The following KIF21B variants were observed in gnomAD, a reference collection of about 807,000 sequenced individuals.
KIF21B encodes kinesin family member 21B, also known as kinesin-like protein KIF21B.
KIF21B carries 85 observed loss-of-function variants against 192.9 expected under a neutral mutation model. The ratio of observed to expected loss-of-function variants is 0.44; its 90% confidence interval spans 0.37 to 0.53. KIF21B has a LOEUF of 0.53. KIF21B is among the 20% of genes least tolerant of loss of function. The pLI is 0.00. For missense variants in KIF21B, 1,716 were observed against 2,194.8 expected, an observed-to-expected ratio of 0.78 and a Z score of 4.36; for synonymous variants, 832 against 884.6, an observed-to-expected ratio of 0.94 and a Z score of 1.05.
chr1:201,015,919 A>T (rs1012162584), intron 1 of KIF21B, among the ~76,000 whole-genome samples: 1 of 152,166 alleles, frequency 6.6e-6, no homozygotes, highest in South Asian at 2.1e-4. Flanking sequence ...TTCGTCATTG[A>T]TATCCCTCTT....
intron 8 of KIF21B, chr1:201,003,337 T>C: frequency 1.8e-6 from 1 of 561,890 alleles, no homozygotes. Flanking sequence ...GGGGAGCCCT[T>C]CTTTCTTGGA....
At chr1:200,995,542 G>T (rs1394808449) in intron 15 of KIF21B, among the ~76,000 whole-genome samples, 2 of 152,228 alleles carry the variant, frequency 1.3e-5, no homozygotes, top group East Asian at 3.9e-4. Flanking sequence ...AGAGACTAGA[G>T]CACTCTGAGT....
In KIF21B at chr1:201,004,443, TGCCCAA is replaced by T; in HGVS notation, c.907_912del (p.Leu303_Gly304del). On this transcript the variant is annotated inframe_deletion, in exon 7 of 35. Coordinates refer to ENST00000461742, the MANE Select transcript of KIF21B (RefSeq NM_001252102.2). ...TGGTCCCCTAAGGCGCTGATCACATTGCCCAAGGCCAGCTGTGGGAGACAGACCCTG... is the reference window on the plus strand; with the variant it reads ...TGGTCCCCTAAGGCGCTGATCACATTGGCCAGCTGTGGGAGACAGACCCTG... 6.4e-7 allele frequency: 1 copy of T among 1,574,388 alleles called. No homozygotes were observed.
Position 200,973,117 on chromosome 1 carries a change from C to T in KIF21B, c.*404G>A, listed in dbSNP as rs896706765. On this transcript the variant is annotated 3_prime_UTR_variant, in exon 35 of 35. Transcript: ENST00000461742. The stretch of plus-strand genomic sequence containing the variant: ...GCTCTAGAGGCTGGGCTGGGAGAAG[C>T]GGGGAGGCCAGCTCCTCGGAAGGGT... 1 of 177,806 alleles carries T rather than the reference C, an allele frequency of 5.6e-6. No individual in the cohort carries two copies. Among genetic ancestry groups the T allele is most frequent in the Non-Finnish European group, 1.2e-5 (1 of 85,168 alleles). 11.0% of individuals were successfully genotyped at this position (177,806 alleles called of 1,614,324 possible). A position where few individuals can be genotyped will look rare whatever the true frequency, so the allele number is the denominator to read the frequency against.
chr1:201,019,870 T>C (rs1658721917), intron 1 of KIF21B, among the ~76,000 whole-genome samples: 2 of 152,168 alleles, frequency 1.3e-5, no homozygotes, highest in South Asian at 4.1e-4. Context: ...TCTGTCTTCT[T>C]CAGTCTTTCT....
rs376362000 is a variant in KIF21B at position 200,987,221 on chromosome 1, G to A, written c.3409-20C>T. The A allele has an allele frequency of 1.1e-5, 17 of 1,596,664 alleles. No individual in the cohort carries two copies. The highest frequency in any genetic ancestry group is 9.5e-5 in the African/African-American group (7 of 73,958). ...CTCGCTCTGGGAAAAGAAGAACAGGGTGGATCAACTTGCCCAAATTGCATG... is the reference window on the plus strand; with the variant it reads ...CTCGCTCTGGGAAAAGAAGAACAGGATGGATCAACTTGCCCAAATTGCATG... On this transcript the variant is annotated intron_variant, in intron 24 of 34. Coordinates refer to ENST00000461742, the MANE Select transcript of KIF21B (RefSeq NM_001252102.2).
chr1:201,000,545 C>G lies in KIF21B; in HGVS notation c.1530G>C (p.Ser510=), dbSNP rs1423231171. Residue 510 remains serine, a synonymous_variant, in exon 11 of 35, where the codon TCG becomes TCC. Transcript: ENST00000461742. The surrounding 1 kb of genome is among the most constrained non-coding windows in gnomAD (Gnocchi z 6.0). ...CACCCAGGGAGTAGGGGCTCCTAGC[C>G]GAGGCCCGTGAGAGGCTGCGGCGCA... is the stretch of plus-strand genomic sequence containing the variant. ...ESLRRSLSRA[S]ARSPYSLGAS... 3 of 1,613,020 alleles carry G rather than the reference C, an allele frequency of 1.9e-6. No individual in the cohort carries two copies. Among genetic ancestry groups the G allele is most frequent in the Admixed American group, 3.3e-5 (2 of 59,960 alleles).
At chr1:201,002,008 A>G (rs1009238720) in intron 9 of KIF21B, 153 bp downstream of exon 9, 7 of 636,198 alleles carry the variant, frequency 1.1e-5, no homozygotes, top group African/African-American at 9.1e-5. Flanking sequence ...GCCATACAAA[A>G]ATGTTTTAAA....
chr1:200,983,023 G>A, intron 28 of KIF21B, 33 bp downstream of exon 28: 1 of 1,532,014 alleles, frequency 6.5e-7, no homozygotes, highest in Non-Finnish European at 8.7e-7. Context: ...AGTGAGAGTG[G>A]GGAACCAAAC....
chr1:200,997,821 T>C (rs1304189093), intron 14 of KIF21B, among the ~76,000 whole-genome samples: 1 of 152,204 alleles, frequency 6.6e-6, no homozygotes, highest in Admixed American at 6.5e-5. Context: ...GCTATACTTA[T>C]CACCATTTGA....
chr1:200,979,526 G>T lies in KIF21B; in HGVS notation c.4160+9C>A, dbSNP rs1655777423. The T allele has an allele frequency of 6.6e-7, 1 of 1,523,200 alleles. No individual in the cohort carries two copies. Among genetic ancestry groups the T allele is most frequent in the East Asian group, 2.5e-5 (1 of 40,530 alleles). 94.4% of individuals were successfully genotyped at this position (1,523,200 alleles called of 1,614,324 possible). A position where few individuals can be genotyped will look rare whatever the true frequency, so the allele number is the denominator to read the frequency against. ...GCCGACCACTGTGAGGCAGGCGGGG[G>T]TTACTCACGTGAGAGTCCGAATGCA... is the stretch of plus-strand genomic sequence containing the variant. On this transcript the variant is annotated intron_variant, in intron 30 of 34. Coordinates refer to ENST00000461742, the MANE Select transcript of KIF21B (RefSeq NM_001252102.2).
At chr1:200,984,535 G>C (rs925646425) in intron 27 of KIF21B, among the ~76,000 whole-genome samples, 3 of 152,340 alleles carry the variant, frequency 2.0e-5, no homozygotes, top group Admixed American at 6.5e-5. Flanking sequence ...CAGCAGCAGA[G>C]GTGGATTAAA....
At chr1:201,007,419 G>C (rs542796378) in intron 3 of KIF21B, among the ~76,000 whole-genome samples, 162 of 126,078 alleles carry the variant, frequency 1.3e-3, no homozygotes, top group Admixed American at 9.4e-3. Flanking sequence ...CACACACACA[G>C]AGATACACAG....
chr1:200,977,191 C>T, intron 31 of KIF21B, 21 bp downstream of exon 31: 2 of 1,594,762 alleles, frequency 1.3e-6, no homozygotes, highest in Non-Finnish European at 1.7e-6. Flanking sequence ...ACCCTCCTCC[C>T]TCCCCAGGTA....
chr1:200,974,050 A>C, intron 34 of KIF21B: 2 of 1,600,452 alleles, frequency 1.2e-6, no homozygotes, highest in Non-Finnish European at 1.7e-6. Context: ...AGGGAAAAGG[A>C]AAGAGGGGAA....
Position 200,988,805 on chromosome 1 carries a change from G to A in KIF21B, c.3259C>T (p.His1087Tyr), listed in dbSNP as rs759165397. ...LDALREKAEA[H>Y]PELQALIYNV... ...TAGATGAGGGCCTGCAGCTCGGGGT[G>A]AGCTTCAGCCTTCTCACGCAGGGCG... Residue 1087 changes from histidine to tyrosine, a missense_variant, in exon 22 of 35, where the codon CAC becomes TAC. His to Tyr is a moderately conservative substitution (Grantham distance 83). Around this residue, in one of 3 missense-constraint regions of KIF21B, gnomAD observed 580 missense variants for 775.5 expected, o/e 0.75. Coordinates refer to ENST00000461742, the MANE Select transcript of KIF21B (RefSeq NM_001252102.2). The A allele has an allele frequency of 6.2e-7, 1 of 1,613,946 alleles. No individual in the cohort carries two copies. The highest frequency in any genetic ancestry group is 1.3e-5 in the African/African-American group (1 of 75,042).
chr1:201,018,931 C>CATTTT (rs1441627825), intron 1 of KIF21B, among the ~76,000 whole-genome samples: 9 of 152,054 alleles, frequency 5.9e-5, no homozygotes, highest in Non-Finnish European at 1.3e-4. Flanking sequence ...CATTAGGGCC[C>CATTTT]ATTTTATTTT....
intron 1 of KIF21B, among the ~76,000 whole-genome samples, chr1:201,022,109 G>A (rs868227366): frequency 6.6e-6 from 1 of 152,318 alleles, no homozygotes; most frequent in South Asian, 2.1e-4. Flanking sequence ...CCCAAGCACT[G>A]ATCAGTGTCA....
rs1222031453 is a variant in KIF21B, at chr1:200,981,169, G to T, written c.3843-73C>A. ...TGTGGCCAGGCTGATCAAGGCACGT[G>T]TGTGGGATGGGGACAGGGCAGGGAG... On this transcript the variant is annotated intron_variant, in intron 28 of 34. Coordinates refer to ENST00000461742, the MANE Select transcript of KIF21B (RefSeq NM_001252102.2). 2.7e-6 allele frequency: 4 copies of T among 1,493,578 alleles called. No homozygotes were observed. The Admixed American group carries it at 9.3e-5, about 35-fold the overall frequency. 92.5% of individuals were successfully genotyped at this position (1,493,578 alleles called of 1,614,324 possible).
Sources: allele counts gnomAD v4.1 joint callset (sites outside exome capture counted in the v4.1 genomes callset), GRCh38; gene constraint gnomAD v4.1.1; regional missense constraint gnomAD v4.1.1; non-coding constraint Gnocchi (gnomAD v3.1); transcripts MANE v1.5; gene names NCBI Gene and HGNC (gene_info 2026-07-23, HGNC 2026-07-21).